The following HPSE2 variants were observed in gnomAD, a reference collection of about 807,000 sequenced individuals.
HPSE2 encodes the protein heparanase 2 (inactive).
HPSE2 carries 38 observed loss-of-function variants against 60.5 expected under a neutral mutation model. That is an observed-to-expected ratio of 0.63 (90% CI 0.48 to 0.82). The LOEUF (loss-of-function observed/expected upper bound fraction) is 0.82, where lower values mean the gene tolerates loss of function less well. Ranked by LOEUF, HPSE2 falls within the 40% of genes least tolerant of loss-of-function variation. The pLI, the probability that HPSE2 is intolerant of heterozygous loss-of-function variation, is 0.00. For synonymous variants in HPSE2, 295 were observed against 293.2 expected, an observed-to-expected ratio of 1.01 and a Z score of -0.06; for missense variants, 713 against 740.4, an observed-to-expected ratio of 0.96 and a Z score of 0.43.
intron 3 of HPSE2, among the ~76,000 whole-genome samples, chr10:99,022,127 C>T (rs1029643444): frequency 6.8e-6 from 1 of 147,354 alleles, no homozygotes; most frequent in African/African-American, 2.5e-5. Context: ...ATCTCTGACA[C>T]CACCCCTTCT....
At chr10:98,686,683 G>A (rs574241401) in intron 6 of HPSE2, among the ~76,000 whole-genome samples, 2 of 152,266 alleles carry the variant, frequency 1.3e-5, no homozygotes, top group South Asian at 4.1e-4. Flanking sequence ...GGGATTACAG[G>A]CACATATATT....
chr10:99,023,198 CAA>C (rs1424051665), intron 3 of HPSE2, among the ~76,000 whole-genome samples: 2 of 152,116 alleles, frequency 1.3e-5, no homozygotes, highest in African/African-American at 4.8e-5. Context: ...GGAACATCAG[CAA>C]AAGTCTGGCA....
At chr10:98,827,870 GTTTTA>G (rs1342726753) in intron 3 of HPSE2, among the ~76,000 whole-genome samples, 4 of 152,226 alleles carry the variant, frequency 2.6e-5, no homozygotes, top group East Asian at 3.9e-4. Flanking sequence ...TTCTGTGAAG[GTTTTA>G]TTTTATTTAT....
intron 3 of HPSE2, among the ~76,000 whole-genome samples, chr10:98,968,518 A>G (rs576640823): frequency 2.6e-5 from 4 of 152,324 alleles, no homozygotes; most frequent in African/African-American, 9.6e-5. Context: ...GCAAAGAAAA[A>G]TAAGTTGTTA....
rs1245271996 is a variant in HPSE2, at chr10:98,937,740, C to G, written c.611-193684G>C. Among the ~76,000 whole-genome samples, 6 of 141,376 alleles carry G rather than the reference C, an allele frequency of 4.2e-5. 1 individual carries two copies. The highest frequency in any genetic ancestry group is 1.8e-4 in the African/African-American group (6 of 33,882). 92.7% of individuals were successfully genotyped at this position (141,376 alleles called of 152,430 possible). ...GACAGCTTTGAAGAGAGCAGTGGTTCTCCCAGCACGCAGCTGGAGATCTGA... is the reference window on the plus strand; with the variant it reads ...GACAGCTTTGAAGAGAGCAGTGGTTGTCCCAGCACGCAGCTGGAGATCTGA... On this transcript the variant is annotated intron_variant, in intron 3 of 11. Transcript: ENST00000370552.
chr10:98,573,817 A>T (rs1006465798), intron 9 of HPSE2, among the ~76,000 whole-genome samples: 2 of 152,184 alleles, frequency 1.3e-5, no homozygotes, highest in Non-Finnish European at 2.9e-5. Flanking sequence ...ATGGCCTCTA[A>T]TTTAGTTAGT....
In HPSE2 at chr10:98,705,794, A is replaced by G. The variant is rs577506112; in HGVS notation, c.957-11847T>C. 3.9e-5 allele frequency among the ~76,000 whole-genome samples: 6 copies of G among 152,260 alleles called. No homozygotes were observed. In the East Asian group the frequency reaches 1.2e-3, roughly 30 times the overall value. ...GAGGAGAGGGAGAGCATTAGCATAA[A>G]TAGCTAATGCATGCCGGGCTTAAAA... is the stretch of plus-strand genomic sequence containing the variant. On this transcript the variant is annotated intron_variant, in intron 5 of 11. Coordinates refer to ENST00000370552, the MANE Select transcript of HPSE2 (RefSeq NM_021828.5).
the HPSE2 span, among the ~76,000 whole-genome samples, chr10:99,277,785 G>A: frequency 6.6e-6 from 1 of 152,118 alleles, no homozygotes; most frequent in Admixed American, 6.6e-5. Context: ...CTTAACATGT[G>A]TGGACCTCAC....
chr10:98,693,856 A>T, intron 6 of HPSE2, 44 bp downstream of exon 6: 1 of 1,375,556 alleles, frequency 7.3e-7, no homozygotes, highest in Non-Finnish European at 1.0e-6. Context: ...CTTTCATTTC[A>T]CAGCAGCTGA....
chr10:98,692,478 C>G (rs1166697581), intron 6 of HPSE2, among the ~76,000 whole-genome samples: 1 of 151,768 alleles, frequency 6.6e-6, no homozygotes, highest in East Asian at 1.9e-4. Flanking sequence ...CTCACACAAA[C>G]AAACTTAAGG....
chr10:99,236,620 A>G (rs1849863283), upstream of HPSE2, among the ~76,000 whole-genome samples: 1 of 152,014 alleles, frequency 6.6e-6, no homozygotes, highest in South Asian at 2.1e-4. Flanking sequence ...GCATCCTCTG[A>G]CCTCCATAGG....
chr10:98,520,296 GA>G (rs1352511640), intron 9 of HPSE2, among the ~76,000 whole-genome samples: 6 of 152,150 alleles, frequency 3.9e-5, no homozygotes, highest in Non-Finnish European at 7.3e-5. Flanking sequence ...CTTTTCTGAG[GA>G]AAAGAAATGC....
intron 9 of HPSE2, among the ~76,000 whole-genome samples, chr10:98,518,042 C>T (rs10748736): frequency 0.74 from 113,218 of 152,138 alleles, 48,223 homozygotes; most frequent in East Asian, 0.96. Flanking sequence ...TCAGCTCTTC[C>T]CAAAACATGG....
intron 9 of HPSE2, among the ~76,000 whole-genome samples, chr10:98,572,085 T>A (rs1488013018): frequency 6.6e-6 from 1 of 151,840 alleles, no homozygotes; most frequent in East Asian, 1.9e-4. Flanking sequence ...GGATTACAGG[T>A]GCCCACCACC....
chr10:98,461,131 T>A (rs1398573212), intron 11 of HPSE2, among the ~76,000 whole-genome samples: 1 of 152,276 alleles, frequency 6.6e-6, no homozygotes. Flanking sequence ...CCTTCTGTGC[T>A]ATGAATGATA....
intron 7 of HPSE2, among the ~76,000 whole-genome samples, chr10:98,632,172 T>C: frequency 6.6e-6 from 1 of 152,212 alleles, no homozygotes; most frequent in East Asian, 1.9e-4. Flanking sequence ...AAAAGCTCTG[T>C]TGGCTTGAGC....
intron 3 of HPSE2, among the ~76,000 whole-genome samples, chr10:98,871,310 C>G (rs540608081): frequency 6.6e-6 from 1 of 151,998 alleles, no homozygotes; most frequent in African/African-American, 2.4e-5. Context: ...ATAATTGATA[C>G]GAAAAGTACA....
At chr10:99,245,789 G>A in the HPSE2 span, among the ~76,000 whole-genome samples, 1 of 152,254 alleles carries the variant, frequency 6.6e-6, no homozygotes, top group East Asian at 1.9e-4. Flanking sequence ...ATAAACTCCA[G>A]TAGTAAAATT....
At chr10:98,907,002 T>C (rs1453690166) in intron 3 of HPSE2, among the ~76,000 whole-genome samples, 1 of 152,234 alleles carries the variant, frequency 6.6e-6, no homozygotes, top group Non-Finnish European at 1.5e-5. Context: ...GTTTACTCTA[T>C]GTTGGGAACT....
Sources: allele counts gnomAD v4.1 joint callset (sites outside exome capture counted in the v4.1 genomes callset), GRCh38; gene constraint gnomAD v4.1.1; transcripts MANE v1.5; gene names NCBI Gene and HGNC (gene_info 2026-07-23, HGNC 2026-07-21).